Variants in GET1 observed in about 807,000 individuals in gnomAD.
GET1 encodes congenital heart disease 5 protein.
GET1 carries 20 observed loss-of-function variants against 22.6 expected under a neutral mutation model. The ratio of observed to expected loss-of-function variants is 0.89; its 90% confidence interval spans 0.62 to 1.29. The LOEUF (loss-of-function observed/expected upper bound fraction) is 1.29. GET1 is among the 50% of genes most tolerant of loss of function. GET1 has a pLI of 0.00. For missense variants in GET1, 209 were observed against 219.9 expected, an observed-to-expected ratio of 0.95 and a Z score of 0.31; for synonymous variants, 92 against 83.8, an observed-to-expected ratio of 1.10 and a Z score of -0.53.
chr21:39,393,158 C>A lies in GET1; in HGVS notation c.337-8C>A, dbSNP rs773787796. The stretch of plus-strand genomic sequence containing the variant: ...AGGCTGCTTTGCTCACCAGAGGTGT[C>A]TTTACAGGCTGCCCTGATGATCTCA... On this transcript the variant is annotated splice_region_variant and splice_polypyrimidine_tract_variant and intron_variant, in intron 3 of 4. Coordinates refer to ENST00000649170, the MANE Select transcript of GET1 (RefSeq NM_004627.6). The A allele has an allele frequency of 2.5e-6, 4 of 1,613,554 alleles. No individual in the cohort carries two copies. In the Admixed American group the frequency reaches 6.7e-5, roughly 27 times the overall value.
At chr21:39,414,738 C>CTGTGTGTGTGTGTGTGTGTGTGTG (rs763309098) in intron 1 of GET1, among the ~76,000 whole-genome samples, 8 of 107,368 alleles carry the variant, frequency 7.5e-5, no homozygotes, top group African/African-American at 2.7e-4. Flanking sequence ...CTCTCTCTCT[C>CTGTGTGTGTGTGTGTGTGTGTGTG]TCTCTGTGTG....
intron 1 of GET1, among the ~76,000 whole-genome samples, chr21:39,389,813 C>T (rs984601972): frequency 6.6e-5 from 10 of 152,226 alleles, no homozygotes; most frequent in African/African-American, 2.4e-4. Flanking sequence ...CACTGTTACC[C>T]TGCACCTGCA....
intron 1 of GET1, chr21:39,386,039 C>T (rs7280768): frequency 6.6e-6 from 1 of 152,272 alleles, no homozygotes; most frequent in South Asian, 2.1e-4. Flanking sequence ...GCCAGGAGGC[C>T]CTTCCTCTCA....
chr21:39,425,638 G>A (rs974995812), intron 1 of GET1, among the ~76,000 whole-genome samples: 1 of 152,156 alleles, frequency 6.6e-6, no homozygotes, highest in Non-Finnish European at 1.5e-5. Context: ...ACTGGCTAGG[G>A]AAGCTCTAGA....
intron 1 of GET1, 45 bp downstream of exon 1, chr21:39,380,531 C>T (rs747235304): frequency 1.3e-6 from 2 of 1,581,026 alleles, no homozygotes; most frequent in Non-Finnish European, 1.7e-6. Flanking sequence ...GGATGCCGCC[C>T]CAGTCCCCCG....
At chr21:39,421,449 G>C (rs1049965215) in intron 1 of GET1, 2 of 152,198 alleles carry the variant, frequency 1.3e-5, no homozygotes, top group Non-Finnish European at 2.9e-5. Flanking sequence ...GGCATTCCCA[G>C]ACAACAGAAA....
chr21:39,410,231 A>G (rs562331010), downstream of GET1: 4 of 1,363,832 alleles, frequency 2.9e-6, no homozygotes, highest in South Asian at 4.8e-5. Flanking sequence ...GACATGTTTA[A>G]TCAGACACTG....
At chr21:39,387,149 G>C (rs2037960093) in intron 1 of GET1, among the ~76,000 whole-genome samples, 1 of 152,148 alleles carries the variant, frequency 6.6e-6, no homozygotes, top group African/African-American at 2.4e-5. Flanking sequence ...ACTGCGCCTG[G>C]CTCAGACAGT....
intron 3 of GET1, 124 bp downstream of exon 3, chr21:39,391,960 C>T: frequency 1.2e-6 from 1 of 862,012 alleles, no homozygotes; most frequent in South Asian, 1.4e-5. Context: ...TCGTGTGTCC[C>T]TGCCCACATG....
chr21:39,399,407 G>C (rs938426230), downstream of GET1, among the ~76,000 whole-genome samples: 4 of 152,020 alleles, frequency 2.6e-5, no homozygotes, highest in Non-Finnish European at 5.9e-5. Context: ...ATATATGTGT[G>C]TATAATGTTG....
intron 4 of GET1, among the ~76,000 whole-genome samples, chr21:39,403,831 A>T (rs887941446): frequency 6.6e-6 from 1 of 152,050 alleles, no homozygotes; most frequent in African/African-American, 2.4e-5. Context: ...CAAATTGGTC[A>T]GGCTGGTCTC....
chr21:39,381,721 A>G (rs1157118559), intron 1 of GET1, among the ~76,000 whole-genome samples: 3 of 152,198 alleles, frequency 2.0e-5, no homozygotes, highest in Non-Finnish European at 4.4e-5. Flanking sequence ...CATTAAGTAC[A>G]TTCACATTTT....
exon 2 of GET1, chr21:39,428,367 T>G: frequency 6.2e-7 from 1 of 1,613,630 alleles, no homozygotes; most frequent in Non-Finnish European, 8.5e-7. Flanking sequence ...TTGGAAGCAT[T>G]ACTGTTCCGT....
At chr21:39,409,270 C>A (rs2147139944), downstream of GET1, among the ~76,000 whole-genome samples, 1 of 152,274 alleles carries the variant, frequency 6.6e-6, no homozygotes, top group South Asian at 2.1e-4. This position sits in a 1 kb window ranked among gnomAD's most constrained non-coding sequence, Gnocchi z 4.2. Context: ...AGCCAAATGC[C>A]TAGAACCTTG....
At chr21:39,403,000 A>T (rs867429550) in intron 4 of GET1, among the ~76,000 whole-genome samples, 13 of 152,304 alleles carry the variant, frequency 8.5e-5, no homozygotes, top group Middle Eastern at 3.4e-3. Context: ...CTCTGATTTA[A>T]TATCACGATG....
At chr21:39,428,003 C>T in intron 1 of GET1, 1 of 532,064 alleles carries the variant, frequency 1.9e-6, no homozygotes. Flanking sequence ...TTTATAATTA[C>T]TCTTAATTTC....
downstream of GET1, among the ~76,000 whole-genome samples, chr21:39,399,257 A>G (rs2038779039): frequency 6.6e-6 from 1 of 152,244 alleles, no homozygotes; most frequent in South Asian, 2.1e-4. Context: ...ATAATACCTA[A>G]AAAGACAAAA....
downstream of GET1, among the ~76,000 whole-genome samples, chr21:39,407,508 CTG>C (rs935239757): frequency 1.3e-5 from 2 of 152,224 alleles, no homozygotes; most frequent in Non-Finnish European, 2.9e-5. Flanking sequence ...ACGATGTTCA[CTG>C]TGGCGTGGGT....
At chr21:39,413,346 G>A (rs2040442375) in intron 1 of GET1, among the ~76,000 whole-genome samples, 1 of 152,178 alleles carries the variant, frequency 6.6e-6, no homozygotes, top group South Asian at 2.1e-4. Context: ...CCTAGCATAA[G>A]ACTGTTTTGA....
Sources: allele counts gnomAD v4.1 joint callset (sites outside exome capture counted in the v4.1 genomes callset), GRCh38; gene constraint gnomAD v4.1.1; non-coding constraint Gnocchi (gnomAD v3.1); transcripts MANE v1.5; gene names NCBI Gene and HGNC (gene_info 2026-07-23, HGNC 2026-07-21).